SCHIP1: variants seen among roughly 807,000 people sequenced by gnomAD.
The protein encoded by SCHIP1 is schwannomin interacting protein 1, also known as schwannomin-interacting protein 1.
SCHIP1 carries 8 observed loss-of-function variants against 29.7 expected under a neutral mutation model. The ratio of observed to expected loss-of-function variants is 0.27; its 90% CI spans 0.16 to 0.49. The LOEUF (loss-of-function observed/expected upper bound fraction) is 0.49. Among genes scored for constraint, SCHIP1 ranks in the 20% least tolerant of loss-of-function variants. The probability of loss-of-function intolerance (pLI) is 0.99; values close to 1 mark genes in which losing one functional copy is unlikely to be tolerated. For synonymous variants in SCHIP1, 76 were observed against 94.9 expected, an observed-to-expected ratio of 0.80 and a Z score of 1.16; for missense variants, 193 against 294.6, an observed-to-expected ratio of 0.66 and a Z score of 2.52.
At chr3:159,279,856 A>G in the SCHIP1 span, among the ~76,000 whole-genome samples, 1 of 152,168 alleles carries the variant, frequency 6.6e-6, no homozygotes, top group Non-Finnish European at 1.5e-5. Flanking sequence ...CACACACAAG[A>G]GGCAACATTA....
chr3:159,537,808 G>A, the SCHIP1 span, among the ~76,000 whole-genome samples: 1 of 152,024 alleles, frequency 6.6e-6, no homozygotes, highest in Non-Finnish European at 1.5e-5. Flanking sequence ...CAAGGGGCTT[G>A]GAAGAAATTA....
the SCHIP1 span, among the ~76,000 whole-genome samples, chr3:159,497,682 C>G: frequency 0.66 from 100,286 of 151,208 alleles, 33,553 homozygotes; most frequent in East Asian, 0.78. Context: ...GAGGGAAGAG[C>G]GAAAGAGGAA....
At chr3:159,634,222 T>G in the SCHIP1 span, among the ~76,000 whole-genome samples, 1 of 152,160 alleles carries the variant, frequency 6.6e-6, no homozygotes, top group Non-Finnish European at 1.5e-5. Context: ...GTGTATATTT[T>G]AAAAGAAAAA....
At chr3:159,399,049 A>T in the SCHIP1 span, 1 of 508,178 alleles carries the variant, frequency 2.0e-6, no homozygotes, top group Non-Finnish European at 2.5e-6. Context: ...ACTCCCCTCC[A>T]GCTACACTGG....
chr3:159,864,062 T>G (rs1461903984), intron 1 of SCHIP1, among the ~76,000 whole-genome samples: 1 of 152,248 alleles, frequency 6.6e-6, no homozygotes, highest in African/African-American at 2.4e-5. Context: ...TCAACAGTTT[T>G]CTGCCTGTTG....
At chr3:159,372,903 T>C in the SCHIP1 span, among the ~76,000 whole-genome samples, 4 of 152,196 alleles carry the variant, frequency 2.6e-5, no homozygotes, top group Non-Finnish European at 4.4e-5. Context: ...AGAAACCTTA[T>C]AGTCCAAAAT....
At chr3:159,662,219 A>C in the SCHIP1 span, among the ~76,000 whole-genome samples, 26,372 of 152,068 alleles carry the variant, frequency 0.17, 5,872 homozygotes, top group African/African-American at 0.52. Context: ...CCAACCCTAG[A>C]CAATAGGGGA....
chr3:159,669,491 G>C, the SCHIP1 span, among the ~76,000 whole-genome samples: 2 of 152,210 alleles, frequency 1.3e-5, no homozygotes, highest in Admixed American at 6.5e-5. Flanking sequence ...AGGATTCTGT[G>C]TGAAAACTTA....
At chr3:159,739,805 A>C in the SCHIP1 span, among the ~76,000 whole-genome samples, 2 of 152,254 alleles carry the variant, frequency 1.3e-5, no homozygotes, top group Non-Finnish European at 2.9e-5. Flanking sequence ...CTGAGGGTCA[A>C]TATGAATTAG....
the SCHIP1 span, among the ~76,000 whole-genome samples, chr3:159,626,516 G>T: frequency 6.6e-6 from 1 of 151,710 alleles, no homozygotes; most frequent in African/African-American, 2.4e-5. Flanking sequence ...CTCTATCAGT[G>T]GTCCAACAAG....
chr3:159,582,867 A>AC, the SCHIP1 span, among the ~76,000 whole-genome samples: 1 of 151,692 alleles, frequency 6.6e-6, no homozygotes, highest in Admixed American at 6.6e-5. Flanking sequence ...AATTCAGGAC[A>AC]CCCCACTAAA....
chr3:159,404,184 G>A, the SCHIP1 span, among the ~76,000 whole-genome samples: 6 of 152,092 alleles, frequency 3.9e-5, no homozygotes, highest in East Asian at 3.9e-4. Context: ...TGCTGGCTTC[G>A]TGTGCGACCC....
the SCHIP1 span, among the ~76,000 whole-genome samples, chr3:159,750,496 T>G: frequency 2.0e-5 from 3 of 151,964 alleles, no homozygotes; most frequent in African/African-American, 7.3e-5. Context: ...GTGCTGATGC[T>G]TTATTGAGCG....
At chr3:159,447,564 C>T in the SCHIP1 span, among the ~76,000 whole-genome samples, 10 of 152,156 alleles carry the variant, frequency 6.6e-5, no homozygotes, top group East Asian at 3.8e-4. Context: ...CTCCCATTGC[C>T]GTGCCATATG....
At chr3:159,422,744 T>C in the SCHIP1 span, among the ~76,000 whole-genome samples, 2 of 152,228 alleles carry the variant, frequency 1.3e-5, no homozygotes, top group Non-Finnish European at 2.9e-5. Context: ...ATCTGTGAGA[T>C]ATATATTCTG....
the SCHIP1 span, among the ~76,000 whole-genome samples, chr3:159,637,749 C>T: frequency 1.3e-5 from 2 of 152,096 alleles, no homozygotes; most frequent in Non-Finnish European, 2.9e-5. Context: ...TTCTTTGTTG[C>T]TTTCAATAAA....
chr3:159,481,075 A>G, the SCHIP1 span, among the ~76,000 whole-genome samples: 68 of 152,170 alleles, frequency 4.5e-4, no homozygotes, highest in East Asian at 9.7e-3. Flanking sequence ...TAAGGCAGGA[A>G]CCGGCCATTT....
intron 1 of SCHIP1, among the ~76,000 whole-genome samples, chr3:159,843,563 G>A (rs1386034893): frequency 6.6e-6 from 1 of 151,842 alleles, no homozygotes; most frequent in Non-Finnish European, 1.5e-5. Flanking sequence ...GCTCACGCCT[G>A]TAATCCCAGG....
intron 2 of SCHIP1, among the ~76,000 whole-genome samples, chr3:159,880,172 G>A (rs1716292590): frequency 6.6e-6 from 1 of 152,088 alleles, no homozygotes; most frequent in Non-Finnish European, 1.5e-5. Context: ...GAGACATAAT[G>A]TCCTCCCCAG....
Sources: gnomAD v4.1 joint callset for allele counts (sites outside exome capture counted in the v4.1 genomes callset) on GRCh38, gnomAD v4.1.1 for gene constraint, MANE v1.5 for transcripts, NCBI Gene and HGNC (gene_info 2026-07-23, HGNC 2026-07-21) for gene names.